The following ITSN1 variants were observed in gnomAD, a reference collection of about 807,000 sequenced individuals.
ITSN1 encodes the protein intersectin 1, also known as intersectin-1.
A neutral mutation model predicts 239.8 loss-of-function variants in ITSN1; 58 were observed. The ratio of observed to expected loss-of-function variants is 0.24; its 90% CI spans 0.20 to 0.30. ITSN1 has a LOEUF of 0.30. Ranked by LOEUF, ITSN1 falls within the 10% of genes least tolerant of loss-of-function variation. The probability of loss-of-function intolerance (pLI) is 1.00; values close to 1 mark genes in which losing one functional copy is unlikely to be tolerated. For missense variants in ITSN1, 1,558 were observed against 2,103.3 expected (o/e 0.74, Z 5.07); for synonymous variants, 780 against 770.8 (o/e 1.01, Z -0.20).
chr21:33,762,252 T>C (rs1374932772), intron 9 of ITSN1, among the ~76,000 whole-genome samples: 2 of 151,898 alleles, frequency 1.3e-5, no homozygotes, highest in Admixed American at 6.6e-5. Flanking sequence ...TGGCTCTCCC[T>C]GTCTTTGATT....
chr21:33,806,527 T>C (rs559239765), intron 20 of ITSN1, among the ~76,000 whole-genome samples: 1 of 152,262 alleles, frequency 6.6e-6, no homozygotes, highest in Non-Finnish European at 1.5e-5. Context: ...ATCATCGGCC[T>C]TTGCCAAACG....
At chr21:33,863,665 A>T (rs1347783543) in intron 31 of ITSN1, among the ~76,000 whole-genome samples, 4 of 152,196 alleles carry the variant, frequency 2.6e-5, no homozygotes, top group African/African-American at 7.2e-5. Flanking sequence ...GAAAGGGTGA[A>T]AGTACTTTTT....
chr21:33,804,162 C>T (rs951019435), intron 20 of ITSN1, among the ~76,000 whole-genome samples: 1 of 152,158 alleles, frequency 6.6e-6, no homozygotes, highest in African/African-American at 2.4e-5. Context: ...TCAGATTCCT[C>T]AAACGTCTTT....
chr21:33,829,081 G>A, intron 26 of ITSN1: 1 of 449,820 alleles, frequency 2.2e-6, no homozygotes, highest in Non-Finnish European at 4.5e-6. Flanking sequence ...CTGTGTCGTT[G>A]GGAGTGAGAA....
intron 1 of ITSN1, among the ~76,000 whole-genome samples, chr21:33,698,784 T>A (rs2091898684): frequency 6.6e-6 from 1 of 152,222 alleles, no homozygotes. Flanking sequence ...TCTTTTTCAT[T>A]CATTTCCTGC....
chr21:33,829,552 G>A (rs370382663), intron 26 of ITSN1, 72 bp from the exon 27 acceptor site: 8 of 1,537,954 alleles, frequency 5.2e-6, no homozygotes, highest in South Asian at 2.3e-5. Flanking sequence ...CCTGGGAGGC[G>A]CCTGCATCTT....
intron 33 of ITSN1, among the ~76,000 whole-genome samples, chr21:33,874,244 G>C (rs1983287322): frequency 6.6e-6 from 1 of 151,334 alleles, no homozygotes; most frequent in South Asian, 2.1e-4. Flanking sequence ...AAATTCAGGA[G>C]GTCCAGCTCC....
intron 1 of ITSN1, among the ~76,000 whole-genome samples, chr21:33,699,151 T>A (rs1228812353): frequency 1.3e-5 from 2 of 152,152 alleles, no homozygotes; most frequent in Non-Finnish European, 2.9e-5. Context: ...AATATACACA[T>A]TTTTATGTTT....
rs1986171248 is a variant in ITSN1, at chr21:33,889,047, G to T, written c.*747G>T. Reference sequence around the variant, plus strand: ...TATGGTCACAGAAAGTCATTATCTAGAAAGTCACCCCTCTGCTGGATCAGA... The same window carrying T: ...TATGGTCACAGAAAGTCATTATCTATAAAGTCACCCCTCTGCTGGATCAGA... On this transcript the variant is annotated 3_prime_UTR_variant, in exon 40 of 40. Coordinates refer to ENST00000381318, the MANE Select transcript of ITSN1 (RefSeq NM_003024.3). 1 of 151,996 alleles carries T rather than the reference G, an allele frequency of 6.6e-6. No individual in the cohort carries two copies. Among genetic ancestry groups the T allele is most frequent in the Non-Finnish European group, 1.5e-5 (1 of 68,024 alleles). 9.4% of individuals were successfully genotyped at this position (151,996 alleles called of 1,614,324 possible).
At chr21:33,818,936 G>A (rs929632247) in intron 23 of ITSN1, among the ~76,000 whole-genome samples, 6 of 152,180 alleles carry the variant, frequency 3.9e-5, no homozygotes, top group Admixed American at 6.5e-5. Flanking sequence ...CAAATTATGA[G>A]CTTTAAAAGG....
At chr21:33,848,487 C>G (rs2075053265) in intron 29 of ITSN1, among the ~76,000 whole-genome samples, 2 of 152,190 alleles carry the variant, frequency 1.3e-5, no homozygotes, top group African/African-American at 2.4e-5. Context: ...ATTAGCGCAC[C>G]AGCGAGGAGG....
At chr21:33,672,739 G>A (rs888319043) in intron 1 of ITSN1, among the ~76,000 whole-genome samples, 12 of 150,488 alleles carry the variant, frequency 8.0e-5, no homozygotes, top group African/African-American at 2.7e-4. Context: ...TTGAGACGGA[G>A]TCTCCTTCTG....
rs549938190 is a variant in ITSN1 at position 33,852,023 on chromosome 21, G to C, written c.3662-4713G>C. Among the ~76,000 whole-genome samples, 6 of 152,040 alleles carry C rather than the reference G, an allele frequency of 3.9e-5. No homozygotes were observed. In the South Asian group the frequency reaches 1.2e-3, roughly 32 times the overall value. ...GGCTGGTCATGAACTCCTGGGCTCA[G>C]GCAATCCACCCACCTCTGCCTTCCA... On this transcript the variant is annotated intron_variant, in intron 29 of 39. Coordinates refer to ENST00000381318, the MANE Select transcript of ITSN1 (RefSeq NM_003024.3).
intron 1 of ITSN1, among the ~76,000 whole-genome samples, chr21:33,671,278 T>C (rs183666071): frequency 6.6e-6 from 1 of 152,198 alleles, no homozygotes; most frequent in African/African-American, 2.4e-5. Flanking sequence ...GTATTTTTTT[T>C]CTTGTTTTTT....
chr21:33,882,127 A>G lies in ITSN1; in HGVS notation c.4342-116A>G, dbSNP rs1985038656. On this transcript the variant is annotated intron_variant, in intron 34 of 39. Coordinates refer to ENST00000381318, the MANE Select transcript of ITSN1 (RefSeq NM_003024.3). The surrounding 1 kb of genome is among the most constrained non-coding windows in gnomAD (Gnocchi z 4.5). ...TCCAAAGTCTTCAAAGCTATCCTTGACTTTTGCCTGAGATCCGAGTCTGCT... is the reference window on the plus strand; with the variant it reads ...TCCAAAGTCTTCAAAGCTATCCTTGGCTTTTGCCTGAGATCCGAGTCTGCT... 1.2e-6 allele frequency: 1 copy of G among 821,490 alleles called. No individual in the cohort carries two copies. Among genetic ancestry groups the G allele is most frequent in the East Asian group, 2.6e-5 (1 of 37,912 alleles). The allele number at this position is 821,490 out of a possible 1,614,324, so 50.9% of individuals were successfully genotyped here.
At position 33,871,739 on chromosome 21, in the gene ITSN1, CA is replaced by C. The variant is rs59249373; in HGVS notation, c.4174-3602del. Among the ~76,000 whole-genome samples, 705 of 137,860 alleles carry C rather than the reference CA, an allele frequency of 5.1e-3. 3 individuals are homozygous for C. The highest frequency in any genetic ancestry group is 0.014 in the African/African-American group (524 of 36,156). 90.4% of individuals were successfully genotyped at this position (137,860 alleles called of 152,430 possible). On this transcript the variant is annotated intron_variant, in intron 33 of 39. Coordinates refer to ENST00000381318, the MANE Select transcript of ITSN1 (RefSeq NM_003024.3). ...CTGGCGACAGAGCGAGACTCAGTCT[CA>C]AAAAAAAAAAAAGAAAAGATAGAAT...
chr21:33,660,658 T>A (rs1025303961), intron 1 of ITSN1, among the ~76,000 whole-genome samples: 5 of 152,186 alleles, frequency 3.3e-5, no homozygotes, highest in Admixed American at 6.5e-5. Context: ...TATACAGATA[T>A]GTAGTTGGAA....
Position 33,822,844 on chromosome 21 carries a change from A to G in ITSN1, c.3017-643A>G, listed in dbSNP as rs559637215. ...TACCTGTTTGTGCTCTTGAATGACA[A>G]CTAGATGCCCATTTTTAACTAAACA... On this transcript the variant is annotated intron_variant, in intron 24 of 39. Coordinates refer to ENST00000381318, the MANE Select transcript of ITSN1 (RefSeq NM_003024.3). Among the ~76,000 whole-genome samples, 10 of 152,288 alleles carry G rather than the reference A, an allele frequency of 6.6e-5. No homozygotes were observed. The South Asian group carries it at 1.9e-3, about 28-fold the overall frequency.
chr21:33,710,373 T>G (rs555452057), intron 1 of ITSN1, among the ~76,000 whole-genome samples: 3 of 151,956 alleles, frequency 2.0e-5, no homozygotes, highest in Middle Eastern at 3.4e-3. Context: ...CCCGGCCTGG[T>G]TTTTTTTAAT....
Sources: allele counts gnomAD v4.1 joint callset (sites outside exome capture counted in the v4.1 genomes callset), GRCh38; gene constraint gnomAD v4.1.1; non-coding constraint Gnocchi (gnomAD v3.1); transcripts MANE v1.5; gene names NCBI Gene and HGNC (gene_info 2026-07-23, HGNC 2026-07-21).